ARFGEF1: variants seen among roughly 807,000 people sequenced by gnomAD.
ARFGEF1 encodes the protein brefeldin A-inhibited guanine nucleotide-exchange protein 1.
In ARFGEF1, 42 loss-of-function variants were observed where a neutral mutation model predicts 231.0. The observed-to-expected ratio is 0.18, with a 90% CI of 0.14 to 0.24. ARFGEF1 has a LOEUF of 0.24. ARFGEF1 is among the 10% of genes least tolerant of loss of function. The pLI is 1.00. For synonymous variants in ARFGEF1, 710 were observed against 732.3 expected (o/e 0.97, Z 0.49); for missense variants, 1,345 against 2,192.0 (o/e 0.61, Z 7.72).
intron 1 of ARFGEF1, among the ~76,000 whole-genome samples, 169 bp downstream of exon 1, chr8:67,342,995 C>G (rs1808717013): frequency 6.6e-6 from 1 of 152,162 alleles, no homozygotes; most frequent in South Asian, 2.1e-4. Flanking sequence ...GCCCCACATC[C>G]AGCCGAGTTC....
chr8:67,309,552 G>A (rs1806898419), intron 1 of ARFGEF1, among the ~76,000 whole-genome samples: 1 of 152,114 alleles, frequency 6.6e-6, no homozygotes, highest in South Asian at 2.1e-4. Flanking sequence ...TATAACATCA[G>A]GGGCAGAAAG....
At chr8:67,276,976 C>T (rs992014187) in intron 8 of ARFGEF1, among the ~76,000 whole-genome samples, 1 of 152,040 alleles carries the variant, frequency 6.6e-6, no homozygotes, top group African/African-American at 2.4e-5. Flanking sequence ...CCAGAATTAT[C>T]TTGTGAATAT....
In ARFGEF1 at chr8:67,228,044, T is replaced by C; in HGVS notation, c.3510A>G (p.Val1170=). 1 of 1,608,378 alleles carries C rather than the reference T, an allele frequency of 6.2e-7. No individual in the cohort carries two copies. ...HPRMFSLQKI[V]EISYYNMGRI... ...TTCCCATGTTGTAATATGATATTTC[T>C]ACTATTTTTTGTAGACTAAACATTC... Residue 1170 remains valine, a synonymous_variant, in exon 25 of 39, where the codon GTA becomes GTG. Coordinates refer to ENST00000262215, the MANE Select transcript of ARFGEF1 (RefSeq NM_006421.5).
intron 1 of ARFGEF1, among the ~76,000 whole-genome samples, chr8:67,333,319 C>T (rs1045176079): frequency 2.7e-5 from 4 of 149,922 alleles, no homozygotes; most frequent in Non-Finnish European, 5.9e-5. Context: ...AAGCATGAGC[C>T]ACCATGCCTG....
At chr8:67,311,637 C>A (rs1360512440) in intron 1 of ARFGEF1, among the ~76,000 whole-genome samples, 1 of 151,430 alleles carries the variant, frequency 6.6e-6, no homozygotes, top group East Asian at 2.0e-4. Flanking sequence ...CCCCGCCCAG[C>A]CAGCCGCCCC....
intron 19 of ARFGEF1, among the ~76,000 whole-genome samples, chr8:67,247,341 A>G (rs1335825561): frequency 6.7e-6 from 1 of 150,366 alleles, no homozygotes; most frequent in Non-Finnish European, 1.5e-5. Context: ...AAAATCCTCA[A>G]CAAAATACCA....
rs940352105 is a variant in ARFGEF1 at position 67,287,860 on chromosome 8, T to C, written c.1027+95A>G. Reference sequence around the variant, plus strand: ...TTCCATTGGTTGGCTCCAAACGTTTTAATTTTGCCCTTTCTATTCCAGACA... The same window carrying C: ...TTCCATTGGTTGGCTCCAAACGTTTCAATTTTGCCCTTTCTATTCCAGACA... On this transcript the variant is annotated intron_variant, in intron 7 of 38. Coordinates refer to ENST00000262215, the MANE Select transcript of ARFGEF1 (RefSeq NM_006421.5). 16 of 851,222 alleles carry C rather than the reference T, an allele frequency of 1.9e-5. No homozygotes were observed. In the African/African-American group the frequency reaches 2.6e-4, roughly 14 times the overall value. The allele number at this position is 851,222 out of a possible 1,614,324, so 52.7% of individuals were successfully genotyped here. A position where few individuals can be genotyped will look rare whatever the true frequency, so the allele number is the denominator to read the frequency against.
rs1173556063 is a variant in ARFGEF1 at position 67,246,247 on chromosome 8, C to T, written c.2850+5052G>A. ...AAAGAAACATCAGATTTAATCTGCA[C>T]TACATAACAAATGGATCTAACAGAT... On this transcript the variant is annotated intron_variant, in intron 19 of 38. Transcript: ENST00000262215. Among the ~76,000 whole-genome samples the T allele has an allele frequency of 4.0e-5, 6 of 150,474 alleles. 2 individuals are homozygous for T. The highest frequency in any genetic ancestry group is 1.5e-4 in the African/African-American group (6 of 40,352).
At chr8:67,210,353 G>A (rs6985680) in intron 34 of ARFGEF1, among the ~76,000 whole-genome samples, 1 of 148,020 alleles carries the variant, frequency 6.8e-6, no homozygotes, top group African/African-American at 2.5e-5. Context: ...GATGAGGTGT[G>A]CCTGTAGTCC....
chr8:67,307,979 G>A (rs971489370), intron 1 of ARFGEF1, among the ~76,000 whole-genome samples: 3 of 152,180 alleles, frequency 2.0e-5, no homozygotes, highest in African/African-American at 7.2e-5. Flanking sequence ...ACCCCCTCTT[G>A]GAGCCCAATG....
At chr8:67,331,752 G>A (rs1412256892) in intron 1 of ARFGEF1, among the ~76,000 whole-genome samples, 2 of 151,816 alleles carry the variant, frequency 1.3e-5, no homozygotes, top group African/African-American at 4.8e-5. Flanking sequence ...AAATGCAAAG[G>A]AAAGATGAAG....
intron 1 of ARFGEF1, among the ~76,000 whole-genome samples, chr8:67,302,906 T>TACA (rs1806561876): frequency 9.8e-6 from 1 of 102,044 alleles, no homozygotes; most frequent in Non-Finnish European, 1.9e-5. Context: ...CCCCATCTCT[T>TACA]AAAAAAAAAA....
At position 67,271,768 on chromosome 8, in the gene ARFGEF1, C is replaced by G. The variant is rs759991178; in HGVS notation, c.1506G>C (p.Glu502Asp). 1 of 1,613,756 alleles carries G rather than the reference C, an allele frequency of 6.2e-7. No individual in the cohort carries two copies. The highest frequency in any genetic ancestry group is 8.5e-7 in the Non-Finnish European group (1 of 1,179,850). ...NGVSSVPEVFELSLSIFLTLL... is the reference protein window; with the variant it reads ...NGVSSVPEVFDLSLSIFLTLL... ...AAGTAAGAAATATAGAAAGAGAAAG[C>G]TCAAAAACCTCTGGAACAGATGAGA... The change falls in exon 10 of 39, where the codon GAG becomes GAC. Residue 502 changes from glutamate (E) to aspartate (D), a missense_variant. By Grantham distance (45) the Glu-to-Asp change is conservative. Transcript: ENST00000262215.
rs1838204738 is a variant in ARFGEF1 at position 67,198,835 on chromosome 8, G to A, written c.*99C>T. 3.9e-6 allele frequency: 6 copies of A among 1,528,060 alleles called. No individual in the cohort carries two copies. Among genetic ancestry groups the A allele is most frequent in the Non-Finnish European group, 4.4e-6 (5 of 1,143,662 alleles). The allele number at this position is 1,528,060 out of a possible 1,614,324, so 94.7% of individuals were successfully genotyped here. ...CATCTTTACCAGTAACTCAGACACT[G>A]CAATCCAGAGAAATCATTTTTCAGG... On this transcript the variant is annotated 3_prime_UTR_variant, in exon 39 of 39. Transcript: ENST00000262215.
intron 8 of ARFGEF1, among the ~76,000 whole-genome samples, 183 bp from the exon 9 acceptor site, chr8:67,276,292 A>G (rs1204112976): frequency 6.6e-6 from 1 of 152,106 alleles, no homozygotes; most frequent in Non-Finnish European, 1.5e-5. Context: ...CACACCCAAC[A>G]ATAAATACCT....
chr8:67,179,128 T>C (rs1337249172), intron 5 of ARFGEF1, among the ~76,000 whole-genome samples: 1 of 152,056 alleles, frequency 6.6e-6, no homozygotes. Context: ...GGAGGTGGAG[T>C]TGGATGACTT....
chr8:67,268,347 C>T (rs1290490397), intron 10 of ARFGEF1, among the ~76,000 whole-genome samples: 2 of 152,116 alleles, frequency 1.3e-5, no homozygotes, highest in Non-Finnish European at 2.9e-5. Context: ...TTGCAGGGCA[C>T]ATAGTAGGTG....
chr8:67,313,353 A>G (rs907720089), intron 1 of ARFGEF1, among the ~76,000 whole-genome samples: 13 of 152,164 alleles, frequency 8.5e-5, no homozygotes, highest in African/African-American at 3.1e-4. Flanking sequence ...GGATGCTGAC[A>G]GGCCTAGTTT....
chr8:67,287,898 C>T (rs1456095554), intron 7 of ARFGEF1, 57 bp downstream of exon 7: 4 of 1,218,228 alleles, frequency 3.3e-6, no homozygotes, highest in South Asian at 3.9e-5. Context: ...ACAAAGTCTC[C>T]ACAGTCAGAT....
Sources: gnomAD v4.1 joint callset for allele counts (sites outside exome capture counted in the v4.1 genomes callset) on GRCh38, gnomAD v4.1.1 for gene constraint, MANE v1.5 for transcripts, NCBI Gene and HGNC (gene_info 2026-07-23, HGNC 2026-07-21) for gene names.